The following GRM8 variants were observed in gnomAD, a reference collection of about 807,000 sequenced individuals.
The protein encoded by GRM8 is glutamate metabotropic receptor 8, also known as metabotropic glutamate receptor 8.
A neutral mutation model predicts 87.2 loss-of-function variants in GRM8; 47 were observed. The ratio of observed to expected loss-of-function variants is 0.54; its 90% CI spans 0.43 to 0.69. The LOEUF is 0.69. Ranked by LOEUF, GRM8 falls within the 30% of genes least tolerant of loss-of-function variation. The pLI is 0.00. For synonymous variants in GRM8, 396 were observed against 404.5 expected, an observed-to-expected ratio of 0.98 and a Z score of 0.25; for missense variants, 1,019 against 1,139.2, an observed-to-expected ratio of 0.89 and a Z score of 1.52.
chr7:126,917,995 T>C (rs557603013), intron 3 of GRM8, among the ~76,000 whole-genome samples: 30 of 152,274 alleles, frequency 2.0e-4, no homozygotes, highest in Admixed American at 9.2e-4. Context: ...GAATCTGAAG[T>C]TACATGAATG....
At chr7:126,479,031 A>G (rs944652686) in intron 9 of GRM8, among the ~76,000 whole-genome samples, 5 of 152,088 alleles carry the variant, frequency 3.3e-5, no homozygotes, top group Non-Finnish European at 5.9e-5. Context: ...TTTAGTCTCT[A>G]CATCAATCAT....
intron 9 of GRM8, among the ~76,000 whole-genome samples, chr7:126,457,453 G>A (rs1019731973): frequency 6.6e-6 from 1 of 151,288 alleles, no homozygotes; most frequent in African/African-American, 2.4e-5. Context: ...CCACATTCTG[G>A]GAAATCCTAA....
chr7:126,832,320 A>T (rs1234057989), intron 6 of GRM8, among the ~76,000 whole-genome samples: 1 of 152,178 alleles, frequency 6.6e-6, no homozygotes, highest in Non-Finnish European at 1.5e-5. Context: ...CAATTTTATA[A>T]AGCTAGGAAT....
intron 3 of GRM8, among the ~76,000 whole-genome samples, chr7:127,011,515 T>G (rs1814894563): frequency 6.6e-6 from 1 of 152,172 alleles, no homozygotes; most frequent in Admixed American, 6.6e-5. Flanking sequence ...TAGCCGCCTC[T>G]TCTTCCTCTT....
At chr7:126,573,844 C>T (rs1220214630) in intron 8 of GRM8, among the ~76,000 whole-genome samples, 1 of 152,114 alleles carries the variant, frequency 6.6e-6, no homozygotes, top group Admixed American at 6.6e-5. Context: ...ACCTTGGCTT[C>T]CCAAAGTGCT....
intron 2 of GRM8, among the ~76,000 whole-genome samples, chr7:127,206,780 G>A (rs948380338): frequency 1.3e-5 from 2 of 152,166 alleles, no homozygotes; most frequent in Admixed American, 6.5e-5. Flanking sequence ...AATCCTCTGT[G>A]CAAAAACACT....
intron 6 of GRM8, among the ~76,000 whole-genome samples, chr7:126,788,642 TC>T (rs1188980212): frequency 6.6e-6 from 1 of 151,994 alleles, no homozygotes; most frequent in African/African-American, 2.4e-5. Flanking sequence ...GAATTCTGTT[TC>T]CTCTACAAAT....
rs557604157 is a variant in GRM8, at chr7:126,682,744, T to C, written c.1358-73246A>G. Among the ~76,000 whole-genome samples the C allele has an allele frequency of 3.3e-5, 5 of 152,340 alleles. No homozygotes were observed. In the South Asian group the frequency reaches 6.2e-4, roughly 19 times the overall value. On this transcript the variant is annotated intron_variant, in intron 7 of 10. Transcript: ENST00000339582. ...TGCAAAGCTTAACATATTTATTATATGACTCCTTACAGAAAAAGTGTGTGG... is the reference window on the plus strand; with the variant it reads ...TGCAAAGCTTAACATATTTATTATACGACTCCTTACAGAAAAAGTGTGTGG...
At position 126,814,975 on chromosome 7, in the gene GRM8, C is replaced by A. The variant is rs138256883; in HGVS notation, c.1157-44910G>T. ...AAGACTTTGCTGTTGTCTCTCTATA[C>A]CAGAAAAAGAACCAATTCTTACTGC... On this transcript the variant is annotated intron_variant, in intron 6 of 10. Transcript: ENST00000339582. 1.0e-3 allele frequency among the ~76,000 whole-genome samples: 157 copies of A among 152,116 alleles called. 1 individual carries two copies. Among genetic ancestry groups the A allele is most frequent in the Middle Eastern group, 0.01 (3 of 294 alleles).
chr7:126,653,241 G>T (rs1285510816), intron 7 of GRM8, among the ~76,000 whole-genome samples: 2 of 149,458 alleles, frequency 1.3e-5, no homozygotes, highest in African/African-American at 4.9e-5. Flanking sequence ...GTTTGAGGCT[G>T]CAGTGAGCTA....
intron 6 of GRM8, among the ~76,000 whole-genome samples, chr7:126,893,605 G>C (rs1362728664): frequency 2.6e-5 from 4 of 151,938 alleles, no homozygotes; most frequent in Non-Finnish European, 5.9e-5. Flanking sequence ...GATATATAAT[G>C]CTAAGCATAT....
intron 7 of GRM8, among the ~76,000 whole-genome samples, chr7:126,642,204 T>C (rs1216838148): frequency 6.6e-6 from 1 of 152,242 alleles, no homozygotes; most frequent in Non-Finnish European, 1.5e-5. Context: ...TTTACAGTGG[T>C]TGTGAGGAGC....
chr7:126,494,254 T>C (rs889905732), intron 9 of GRM8, among the ~76,000 whole-genome samples: 6 of 152,024 alleles, frequency 3.9e-5, no homozygotes, highest in Non-Finnish European at 7.4e-5. Flanking sequence ...GTAGTGTAAA[T>C]TGTCACCATT....
At chr7:127,089,102 C>T (rs912048433) in intron 3 of GRM8, among the ~76,000 whole-genome samples, 6 of 152,146 alleles carry the variant, frequency 3.9e-5, no homozygotes, top group Admixed American at 2.0e-4. Flanking sequence ...GTAGGGAATT[C>T]GAGATGAGAT....
chr7:126,951,950 T>A (rs1230498611), intron 3 of GRM8, among the ~76,000 whole-genome samples: 5 of 151,862 alleles, frequency 3.3e-5, no homozygotes. Flanking sequence ...CTTAGAGCAA[T>A]GACATCCCAG....
chr7:126,990,711 C>A (rs918687622), intron 3 of GRM8, among the ~76,000 whole-genome samples: 1 of 152,184 alleles, frequency 6.6e-6, no homozygotes, highest in Non-Finnish European at 1.5e-5. Context: ...CATTTCTCAT[C>A]TGTAAATGGG....
At chr7:127,054,461 G>A (rs1268926393) in intron 3 of GRM8, among the ~76,000 whole-genome samples, 1 of 152,074 alleles carries the variant, frequency 6.6e-6, no homozygotes, top group Non-Finnish European at 1.5e-5. Context: ...TTCTTTGAGG[G>A]GGTTATTAGT....
chr7:126,471,620 A>G, intron 9 of GRM8, among the ~76,000 whole-genome samples: 1 of 151,818 alleles, frequency 6.6e-6, no homozygotes, highest in Non-Finnish European at 1.5e-5. Flanking sequence ...GAAGTCAGGT[A>G]GTGTGATGCC....
At chr7:126,551,384 A>C (rs1488335715) in intron 8 of GRM8, among the ~76,000 whole-genome samples, 2 of 152,220 alleles carry the variant, frequency 1.3e-5, no homozygotes, top group Admixed American at 6.5e-5. Flanking sequence ...ATTCTTGTTG[A>C]TAGTTCCCCT....
Sources: allele counts gnomAD v4.1 joint callset (sites outside exome capture counted in the v4.1 genomes callset), GRCh38; gene constraint gnomAD v4.1.1; transcripts MANE v1.5; gene names NCBI Gene and HGNC (gene_info 2026-07-23, HGNC 2026-07-21).